The following NR5A2 variants were observed in gnomAD, a reference collection of about 807,000 sequenced individuals.
NR5A2 encodes the protein CYP7A promoter-binding factor.
NR5A2 carries 26 observed loss-of-function variants against 62.7 expected under a neutral mutation model. The ratio of observed to expected loss-of-function variants is 0.41; its 90% CI spans 0.30 to 0.58. The LOEUF (loss-of-function observed/expected upper bound fraction) is 0.58, where lower values mean the gene tolerates loss of function less well. Ranked by LOEUF, NR5A2 falls within the 20% of genes least tolerant of loss-of-function variation. The probability of loss-of-function intolerance (pLI) is 0.22; values close to 1 mark genes in which losing one functional copy is unlikely to be tolerated. For missense variants in NR5A2, 541 were observed against 669.1 expected (o/e 0.81, Z 2.11); for synonymous variants, 246 against 241.7 (o/e 1.02, Z -0.16).
intron 7 of NR5A2, among the ~76,000 whole-genome samples, chr1:200,151,814 C>T (rs1653141644): frequency 6.6e-6 from 1 of 152,196 alleles, no homozygotes; most frequent in Non-Finnish European, 1.5e-5. Flanking sequence ...TTAGTATTTA[C>T]TAGATTGACT....
intron 7 of NR5A2, among the ~76,000 whole-genome samples, chr1:200,122,225 C>T (rs1666511137): frequency 6.6e-6 from 1 of 152,124 alleles, no homozygotes; most frequent in African/African-American, 2.4e-5. Flanking sequence ...GCATCTTTTA[C>T]CCGAGAACAG....
At chr1:200,095,708 A>T (rs536747307) in intron 5 of NR5A2, among the ~76,000 whole-genome samples, 4 of 110,314 alleles carry the variant, frequency 3.6e-5, no homozygotes, top group Non-Finnish European at 7.5e-5. Context: ...ACCCGCCACC[A>T]TGCCCAGCTA....
intron 5 of NR5A2, among the ~76,000 whole-genome samples, chr1:200,089,794 C>G (rs1664733243): frequency 1.3e-5 from 2 of 152,222 alleles, no homozygotes; most frequent in Non-Finnish European, 2.9e-5. Context: ...CACTGTCAAA[C>G]AACACATTCT....
chr1:200,159,640 TTTA>T (rs59297519), intron 7 of NR5A2, among the ~76,000 whole-genome samples: 28 of 148,648 alleles, frequency 1.9e-4, no homozygotes, highest in South Asian at 4.2e-4. Context: ...TTTTAAATTA[TTTA>T]TTATTATTAT....
rs112165570 is a variant in NR5A2, at chr1:200,143,434, TC to T, written c.1378+22484del. The stretch of plus-strand genomic sequence containing the variant: ...ATTAGGATTAGTTTTGTTTTTTTTT[TC>T]CCCCTTCTTTCATTCCTTCTAATAG... On this transcript the variant is annotated intron_variant, in intron 7 of 7. Coordinates refer to ENST00000367362, the MANE Select transcript of NR5A2 (RefSeq NM_205860.3). Among the ~76,000 whole-genome samples the T allele has an allele frequency of 4.3e-4, 65 of 150,404 alleles. 1 individual carries two copies. In the South Asian group the frequency reaches 9.7e-3, roughly 22 times the overall value.
chr1:200,134,035 G>A (rs1667106323), intron 7 of NR5A2, among the ~76,000 whole-genome samples: 1 of 150,770 alleles, frequency 6.6e-6, no homozygotes, highest in Non-Finnish European at 1.5e-5. Flanking sequence ...ATAGAAAAAA[G>A]CTTATCGAAT....
intron 5 of NR5A2, among the ~76,000 whole-genome samples, chr1:200,102,132 G>T (rs1394043758): frequency 1.3e-5 from 2 of 152,162 alleles, no homozygotes; most frequent in Non-Finnish European, 2.9e-5. Context: ...CATCCCTGGG[G>T]ACTAGGTATA....
intron 7 of NR5A2, among the ~76,000 whole-genome samples, chr1:200,125,172 G>A (rs559014282): frequency 1.3e-5 from 2 of 152,276 alleles, no homozygotes; most frequent in Admixed American, 6.5e-5. Flanking sequence ...AGAAAAATTA[G>A]AAAGAATATT....
chr1:200,160,982 C>CAA (rs56332154), intron 7 of NR5A2, among the ~76,000 whole-genome samples: 3 of 139,434 alleles, frequency 2.2e-5, no homozygotes, highest in African/African-American at 2.6e-5. Context: ...GACGTGAGTA[C>CAA]AAAAAAAAAA....
At chr1:200,074,508 C>T (rs1003649095) in intron 5 of NR5A2, among the ~76,000 whole-genome samples, 4 of 151,616 alleles carry the variant, frequency 2.6e-5, no homozygotes, top group South Asian at 2.1e-4. Context: ...GAGGCCGAGG[C>T]GGGCAGATCA....
intron 5 of NR5A2, among the ~76,000 whole-genome samples, chr1:200,096,916 T>C (rs1341636563): frequency 2.0e-5 from 3 of 152,188 alleles, no homozygotes; most frequent in Admixed American, 2.0e-4. Context: ...TAGGTTTGTG[T>C]AGGTTCACTC....
intron 5 of NR5A2, among the ~76,000 whole-genome samples, chr1:200,069,806 G>T (rs1663654921): frequency 6.6e-6 from 1 of 152,030 alleles, no homozygotes; most frequent in Admixed American, 6.6e-5. Context: ...AAAGTAAAAA[G>T]ATTAGAATTC....
At chr1:200,086,266 G>T (rs1664520524) in intron 5 of NR5A2, among the ~76,000 whole-genome samples, 1 of 152,042 alleles carries the variant, frequency 6.6e-6, no homozygotes, top group Non-Finnish European at 1.5e-5. Context: ...ATTATTAATG[G>T]AGAGGTAAGA....
At chr1:200,034,631 A>G (rs1661685575) in intron 1 of NR5A2, among the ~76,000 whole-genome samples, 1 of 151,544 alleles carries the variant, frequency 6.6e-6, no homozygotes, top group South Asian at 2.1e-4. Context: ...TGGATTACCC[A>G]GATAATTGCT....
chr1:200,107,844 T>A (rs979974586), intron 5 of NR5A2, among the ~76,000 whole-genome samples: 8 of 151,864 alleles, frequency 5.3e-5, no homozygotes, highest in Non-Finnish European at 1.0e-4. Flanking sequence ...TTGGCCAGAC[T>A]GGTCTTGAAT....
Position 200,039,735 on chromosome 1 carries a change from G to C in NR5A2, c.142G>C (p.Glu48Gln). The C allele has an allele frequency of 6.2e-7, 1 of 1,612,086 alleles. No individual in the cohort carries two copies. Among genetic ancestry groups the C allele is most frequent in the South Asian group, 1.1e-5 (1 of 91,018 alleles). Residue 48 changes from glutamate to glutamine, a missense_variant, in exon 2 of 8, where the codon GAA (glutamate) becomes CAA (glutamine). Physicochemically the swap from Glu to Gln is conservative, Grantham distance 29 (BLOSUM62 2). Transcript: ENST00000367362. This position sits in a 1 kb window ranked among gnomAD's most constrained non-coding sequence, Gnocchi z 5.1. ...RLVMLPKVET[E>Q]ALGLARSHGE... Reference sequence around the variant, plus strand: ...TGTCATGCTGCCCAAAGTGGAGACGGAAGCCCTGGGACTGGCTCGATCGCA... The same window carrying C: ...TGTCATGCTGCCCAAAGTGGAGACGCAAGCCCTGGGACTGGCTCGATCGCA...
chr1:200,080,314 A>C (rs2102233548), intron 5 of NR5A2, among the ~76,000 whole-genome samples: 1 of 152,326 alleles, frequency 6.6e-6, no homozygotes, highest in South Asian at 2.1e-4. Context: ...TAAGACTGCA[A>C]AAATCATTTG....
At chr1:200,036,065 C>A (rs3790850) in intron 1 of NR5A2, among the ~76,000 whole-genome samples, 2 of 152,028 alleles carry the variant, frequency 1.3e-5, no homozygotes, top group East Asian at 3.9e-4. Context: ...ATGTCCCCGG[C>A]GGAGGATGAG....
chr1:200,095,094 A>G (rs1204487832), intron 5 of NR5A2, among the ~76,000 whole-genome samples: 3 of 150,692 alleles, frequency 2.0e-5, no homozygotes, highest in Admixed American at 6.7e-5. Flanking sequence ...TTTACCCTTC[A>G]ATCAGGCTCC....
Sources: gnomAD v4.1 joint callset for allele counts (sites outside exome capture counted in the v4.1 genomes callset) on GRCh38, gnomAD v4.1.1 for gene constraint, Gnocchi (gnomAD v3.1) non-coding constraint, MANE v1.5 for transcripts, NCBI Gene and HGNC (gene_info 2026-07-23, HGNC 2026-07-21) for gene names.